The following ZNF609 variants were observed in gnomAD, a reference collection of about 807,000 sequenced individuals.
The protein encoded by ZNF609 is zinc finger protein 609.
ZNF609 carries 11 observed loss-of-function variants against 109.5 expected under a neutral mutation model. That is an observed-to-expected ratio of 0.10 (90% confidence interval 0.06 to 0.17). The LOEUF (loss-of-function observed/expected upper bound fraction) is 0.17, where lower values mean the gene tolerates loss of function less well. ZNF609 is among the 10% of genes least tolerant of loss of function. The pLI is 1.00. For missense variants in ZNF609, 1,559 were observed against 1,772.4 expected (o/e 0.88, Z 2.16); for synonymous variants, 646 against 662.0 (o/e 0.98, Z 0.37).
At chr15:64,635,131 C>A (rs888237457) in intron 3 of ZNF609, among the ~76,000 whole-genome samples, 1 of 152,096 alleles carries the variant, frequency 6.6e-6, no homozygotes, top group Non-Finnish European at 1.5e-5. Flanking sequence ...TGCTCACACA[C>A]CTCCTCCCTC....
At chr15:64,500,569 C>T (rs1893547505) in intron 2 of ZNF609, 1 of 603,326 alleles carries the variant, frequency 1.7e-6, no homozygotes, top group African/African-American at 1.9e-5. Context: ...AACAATACGC[C>T]TTTGGTGATA....
At chr15:64,482,502 G>C (rs993283801) in intron 1 of ZNF609, among the ~76,000 whole-genome samples, 12 of 152,050 alleles carry the variant, frequency 7.9e-5, no homozygotes, top group Non-Finnish European at 1.3e-4. Context: ...TGAAAGTATA[G>C]TACCTTAAAT....
chr15:64,631,240 T>TCC, intron 3 of ZNF609: 1 of 646,406 alleles, frequency 1.5e-6, no homozygotes, highest in Non-Finnish European at 2.9e-6. Flanking sequence ...TTGGCTTCTT[T>TCC]CTTTTTCTGA....
chr15:64,621,279 C>T (rs946814135), intron 2 of ZNF609, among the ~76,000 whole-genome samples: 4 of 152,030 alleles, frequency 2.6e-5, no homozygotes, highest in African/African-American at 4.8e-5. Context: ...ATCACTCGAG[C>T]ATAATAGACT....
chr15:64,554,482 A>T (rs1221101776), intron 2 of ZNF609, among the ~76,000 whole-genome samples: 2 of 152,050 alleles, frequency 1.3e-5, no homozygotes, highest in African/African-American at 4.8e-5. Context: ...CTCTACAAAC[A>T]AAACAAAACA....
chr15:64,497,600 C>A (rs56093925), intron 1 of ZNF609, among the ~76,000 whole-genome samples: 1 of 151,940 alleles, frequency 6.6e-6, no homozygotes, highest in African/African-American at 2.4e-5. Flanking sequence ...TACTCAATTA[C>A]CTTATAAAAA....
chr15:64,477,753 C>T (rs535848718), intron 1 of ZNF609, among the ~76,000 whole-genome samples: 45 of 152,260 alleles, frequency 3.0e-4, no homozygotes, highest in Admixed American at 2.7e-3. Flanking sequence ...CTCAGCCTCC[C>T]GACTGGCTGG....
At chr15:64,561,552 CTTTTTTTTT>C (rs771022478) in intron 2 of ZNF609, among the ~76,000 whole-genome samples, 22 of 129,908 alleles carry the variant, frequency 1.7e-4, no homozygotes, top group Non-Finnish European at 3.2e-4. Flanking sequence ...TTTTCTTTTT[CTTTTTTTTT>C]TTTTTTTTTA....
chr15:64,503,379 C>G (rs752443126), intron 2 of ZNF609, among the ~76,000 whole-genome samples: 89 of 152,202 alleles, frequency 5.8e-4, no homozygotes, highest in Non-Finnish European at 9.4e-4. Flanking sequence ...CAGAGCCTTC[C>G]AGCTCTTGCC....
Position 64,499,449 on chromosome 15 carries a change from G to A in ZNF609, c.30G>A (p.Gly10=), listed in dbSNP as rs1566998604. ...CCTTGAGCAGTGGAGCCTCCGGAGG[G>A]AAAGGAGTGGATGCAAACCCGGTTG... MSLSSGASG[G]KGVDANPVET... The change falls in exon 2 of 10, where the codon GGG becomes GGA. Residue 10 remains glycine (G), a synonymous_variant. Transcript: ENST00000326648. 2 of 1,614,070 alleles carry A rather than the reference G, an allele frequency of 1.2e-6. No individual in the cohort carries two copies. Among genetic ancestry groups the A allele is most frequent in the Non-Finnish European group, 1.7e-6 (2 of 1,179,990 alleles).
chr15:64,594,687 GT>G (rs1307771014), intron 2 of ZNF609, among the ~76,000 whole-genome samples: 1 of 151,848 alleles, frequency 6.6e-6, no homozygotes, highest in Non-Finnish European at 1.5e-5. Context: ...CCAGAAGCTG[GT>G]CCAATCAGAA....
At chr15:64,472,879 C>G (rs962538110) in intron 1 of ZNF609, among the ~76,000 whole-genome samples, 1 of 152,058 alleles carries the variant, frequency 6.6e-6, no homozygotes, top group African/African-American at 2.4e-5. Flanking sequence ...CAAGAATATA[C>G]CTTGTAAATT....
chr15:64,634,090 G>A (rs776416179), intron 3 of ZNF609, among the ~76,000 whole-genome samples: 53 of 152,030 alleles, frequency 3.5e-4, no homozygotes, highest in Non-Finnish European at 6.0e-4. Flanking sequence ...GTGTGTGTGT[G>A]TGTCTGTGTG....
Position 64,673,828 on chromosome 15 carries a change from T to C in ZNF609, c.1062-88T>C, listed in dbSNP as rs139343501. ...TATTCATTGAAAATGATAGTCACCA[T>C]CTGGACAGTTCTGGAGGCTACAGCT... On this transcript the variant is annotated intron_variant, in intron 4 of 9. Coordinates refer to ENST00000326648, the MANE Select transcript of ZNF609 (RefSeq NM_015042.2). 54 of 1,385,052 alleles carry C rather than the reference T, an allele frequency of 3.9e-5. No individual in the cohort carries two copies. The East Asian group carries it at 1.2e-3, about 32-fold the overall frequency. 85.8% of individuals were successfully genotyped at this position (1,385,052 alleles called of 1,614,324 possible).
At chr15:64,541,046 A>C (rs1319858503) in intron 2 of ZNF609, among the ~76,000 whole-genome samples, 8 of 149,868 alleles carry the variant, frequency 5.3e-5, no homozygotes, top group Admixed American at 1.3e-4. Flanking sequence ...AAAAAAAAAA[A>C]ACTTTTGTGT....
intron 2 of ZNF609, among the ~76,000 whole-genome samples, chr15:64,620,976 C>T (rs560285923): frequency 2.0e-4 from 30 of 152,274 alleles, no homozygotes; most frequent in African/African-American, 6.0e-4. Context: ...GCTTGGCTTA[C>T]GGATACATGT....
rs556176417 is a variant in ZNF609 at position 64,490,662 on chromosome 15, T to G, written c.-127-8631T>G. ...CTATACACAGGATTTAGTAAGGGTT[T>G]TCTATGTGGATCACTTTCACCAAAT... On this transcript the variant is annotated intron_variant, in intron 1 of 9. Transcript: ENST00000326648. 2.6e-5 allele frequency among the ~76,000 whole-genome samples: 4 copies of G among 152,296 alleles called. No individual in the cohort carries two copies. The South Asian group carries it at 6.2e-4, about 24-fold the overall frequency.
chr15:64,474,857 G>T (rs2140332687), intron 1 of ZNF609, among the ~76,000 whole-genome samples: 1 of 152,190 alleles, frequency 6.6e-6, no homozygotes, highest in Non-Finnish European at 1.5e-5. Flanking sequence ...ATCTTCGATG[G>T]TTCCCATTGC....
At chr15:64,598,757 T>C (rs978509896) in intron 2 of ZNF609, among the ~76,000 whole-genome samples, 5 of 121,226 alleles carry the variant, frequency 4.1e-5, no homozygotes, top group Admixed American at 4.0e-4. Flanking sequence ...TATATATATA[T>C]ATATATATAT....
Sources: allele counts gnomAD v4.1 joint callset (sites outside exome capture counted in the v4.1 genomes callset), GRCh38; gene constraint gnomAD v4.1.1; transcripts MANE v1.5; gene names NCBI Gene and HGNC (gene_info 2026-07-23, HGNC 2026-07-21).